Variants in NCR1 observed in about 807,000 individuals in gnomAD.
The protein encoded by NCR1 is NK cell-activating receptor.
A neutral mutation model predicts 32.5 loss-of-function variants in NCR1; 30 were observed. The observed-to-expected ratio is 0.92, with a 90% CI of 0.69 to 1.25. The LOEUF is 1.25. Among genes scored for constraint, NCR1 ranks in the 50% most tolerant of loss-of-function variants. The pLI is 0.00. For synonymous variants in NCR1, 169 were observed against 143.4 expected, an observed-to-expected ratio of 1.18 and a Z score of -1.28; for missense variants, 369 against 380.7, an observed-to-expected ratio of 0.97 and a Z score of 0.26.
At chr19:54,906,446 G>C (rs2067616220) in intron 2 of NCR1, 77 bp from the exon 3 acceptor site, 2 of 1,599,694 alleles carry the variant, frequency 1.3e-6, no homozygotes, top group Admixed American at 1.7e-5. Flanking sequence ...AGGAGAGCTT[G>C]GGGCCAGCAG....
the NCR1 span, among the ~76,000 whole-genome samples, chr19:54,924,649 A>G: frequency 0.12 from 18,039 of 151,812 alleles, 1,364 homozygotes; most frequent in East Asian, 0.32. Context: ...AAAATAGATA[A>G]TCAGGCTGGT....
the NCR1 span, chr19:54,934,439 C>T: frequency 1.3e-6 from 2 of 1,595,422 alleles, no homozygotes; most frequent in South Asian, 1.1e-5. This position sits in a 1 kb window ranked among gnomAD's most constrained non-coding sequence, Gnocchi z 6.7. Context: ...CCTTTCTCTT[C>T]TATAGCCCCA....
At chr19:54,920,442 ACT>A (rs1462637010), downstream of NCR1, among the ~76,000 whole-genome samples, 8 of 151,910 alleles carry the variant, frequency 5.3e-5, no homozygotes, top group East Asian at 1.9e-4. Context: ...CCCAGATGTG[ACT>A]CTATTTGGAC....
intron 5 of NCR1, among the ~76,000 whole-genome samples, chr19:54,910,688 T>G (rs1387843123): frequency 6.6e-6 from 1 of 152,170 alleles, no homozygotes; most frequent in African/African-American, 2.4e-5. Context: ...AGCACTTAGA[T>G]TCTAGCAGGA....
chr19:54,912,629 A>T, intron 6 of NCR1, 61 bp from the exon 7 acceptor site: 1 of 392,960 alleles, frequency 2.5e-6, no homozygotes, highest in Non-Finnish European at 4.0e-6. Context: ...AAAAAAAAAA[A>T]AAAAAAAAAG....
the NCR1 span, among the ~76,000 whole-genome samples, chr19:54,923,101 G>A: frequency 3.9e-5 from 6 of 152,198 alleles, no homozygotes; most frequent in Non-Finnish European, 8.8e-5. Context: ...TGCTTTGTGA[G>A]TAACAGGATA....
the NCR1 span, among the ~76,000 whole-genome samples, chr19:54,899,312 G>T: frequency 7.0e-4 from 106 of 152,272 alleles, no homozygotes; most frequent in African/African-American, 2.4e-3. Context: ...TAGGTCAGGT[G>T]TGAGTTGAAG....
chr19:54,903,637 G>GTATATATGCAGTA (rs1320607763), upstream of NCR1, among the ~76,000 whole-genome samples: 4,929 of 142,110 alleles, frequency 0.035, 114 homozygotes, highest in Admixed American at 0.067. Context: ...GTACTATGCA[G>GTATATATGCAGTA]TATATATACA....
At chr19:54,923,866 C>A in the NCR1 span, 1 of 1,613,792 alleles carries the variant, frequency 6.2e-7, no homozygotes, top group African/African-American at 1.3e-5. Flanking sequence ...TTTCATAGGT[C>A]TTCAACCTGG....
the NCR1 span, among the ~76,000 whole-genome samples, chr19:54,926,019 C>CA: frequency 8.4e-5 from 12 of 142,316 alleles, no homozygotes; most frequent in East Asian, 2.1e-4. Flanking sequence ...AAGACAGATT[C>CA]AAAAAAAAAG....
chr19:54,937,752 C>T, the NCR1 span, among the ~76,000 whole-genome samples: 5 of 151,740 alleles, frequency 3.3e-5, no homozygotes, highest in Non-Finnish European at 1.5e-5. Flanking sequence ...ACAAAATTAG[C>T]CGGGCAAGGT....
chr19:54,913,351 G>A (rs1415636213), downstream of NCR1, among the ~76,000 whole-genome samples: 2 of 152,158 alleles, frequency 1.3e-5, no homozygotes, highest in African/African-American at 4.8e-5. Flanking sequence ...GCTGCGCCCA[G>A]CCACTGAATT....
the NCR1 span, among the ~76,000 whole-genome samples, chr19:54,922,353 T>C: frequency 6.6e-6 from 1 of 152,200 alleles, no homozygotes; most frequent in Admixed American, 6.5e-5. Context: ...GCATTTTCTA[T>C]GAATGACCAA....
At chr19:54,937,705 C>T in the NCR1 span, among the ~76,000 whole-genome samples, 8 of 151,960 alleles carry the variant, frequency 5.3e-5, no homozygotes, top group African/African-American at 1.9e-4. Flanking sequence ...CGAGATCAGC[C>T]TGGGCAACAC....
chr19:54,905,165 A>G (rs1961561012), upstream of NCR1, among the ~76,000 whole-genome samples: 1 of 152,098 alleles, frequency 6.6e-6, no homozygotes, highest in South Asian at 2.1e-4. Flanking sequence ...TCCAAACCAA[A>G]CTGCTTTCCA....
chr19:54,924,984 T>A, the NCR1 span, among the ~76,000 whole-genome samples: 1 of 152,038 alleles, frequency 6.6e-6, no homozygotes, highest in African/African-American at 2.4e-5. Context: ...TCAGTAGAAC[T>A]AAGAGAATGC....
the NCR1 span, among the ~76,000 whole-genome samples, chr19:54,924,273 A>G: frequency 0.64 from 96,913 of 152,012 alleles, 31,717 homozygotes; most frequent in East Asian, 0.83. Flanking sequence ...CAGTCAGAAA[A>G]GTTTTCTAAA....
chr19:54,903,384 A>G (rs587645187), upstream of NCR1, among the ~76,000 whole-genome samples: 16 of 139,516 alleles, frequency 1.1e-4, no homozygotes, highest in South Asian at 1.1e-3. Context: ...ACATGTATGT[A>G]TATACATATA....
the NCR1 span, among the ~76,000 whole-genome samples, chr19:54,924,401 T>C: frequency 6.6e-6 from 1 of 152,118 alleles, no homozygotes; most frequent in South Asian, 2.1e-4. Context: ...GGCAGGCAGA[T>C]TGCTTGAGCT....
Sources: gnomAD v4.1 joint callset for allele counts (sites outside exome capture counted in the v4.1 genomes callset) on GRCh38, gnomAD v4.1.1 for gene constraint, Gnocchi (gnomAD v3.1) non-coding constraint, MANE v1.5 for transcripts, NCBI Gene and HGNC (gene_info 2026-07-23, HGNC 2026-07-21) for gene names.